The following SNX7 variants were observed in gnomAD, a reference collection of about 807,000 sequenced individuals.
SNX7 encodes the protein sorting nexin-7.
In SNX7, 35 loss-of-function variants were observed where a neutral mutation model predicts 48.4. That is an observed-to-expected ratio of 0.72 (90% confidence interval 0.55 to 0.96). The LOEUF (loss-of-function observed/expected upper bound fraction) is 0.96. SNX7 is among the 40% of genes least tolerant of loss of function. The pLI is 0.00. For synonymous variants in SNX7, 190 were observed against 190.2 expected (o/e 1.00, Z 0.01); for missense variants, 553 against 548.9 (o/e 1.01, Z -0.07).
chr1:98,672,214 G>A (rs1212651213), intron 1 of SNX7, among the ~76,000 whole-genome samples: 1 of 152,044 alleles, frequency 6.6e-6, no homozygotes, highest in African/African-American at 2.4e-5. Context: ...GCTAAACTGT[G>A]ATTCTGCTCT....
chr1:98,735,943 A>C (rs1280088699), intron 7 of SNX7, among the ~76,000 whole-genome samples: 2 of 152,108 alleles, frequency 1.3e-5, no homozygotes, highest in African/African-American at 4.8e-5. Flanking sequence ...AGTGAGGGCA[A>C]AGTTCTGAGA....
In SNX7 at chr1:98,691,517, T is replaced by A. The variant is rs1651123350; in HGVS notation, c.475-18T>A. Reference sequence around the variant, plus strand: ...GGCTAATAATACTTGAATACCTTTTTAATTTTTTTTGCCTTAGCCATTGCC... The same window carrying A: ...GGCTAATAATACTTGAATACCTTTTAAATTTTTTTTGCCTTAGCCATTGCC... On this transcript the variant is annotated intron_variant, in intron 3 of 8. Coordinates refer to ENST00000306121, the MANE Select transcript of SNX7 (RefSeq NM_015976.5). 1 of 1,554,152 alleles carries A rather than the reference T, an allele frequency of 6.4e-7. No individual in the cohort carries two copies. Among genetic ancestry groups the A allele is most frequent in the East Asian group, 2.3e-5 (1 of 43,156 alleles).
chr1:98,671,789 C>A (rs575131778), intron 1 of SNX7, among the ~76,000 whole-genome samples: 9 of 152,142 alleles, frequency 5.9e-5, no homozygotes, highest in African/African-American at 1.9e-4. Context: ...AGAATCATAT[C>A]ATATATGCTT....
At chr1:98,715,125 G>T (rs992368229) in intron 7 of SNX7, among the ~76,000 whole-genome samples, 1 of 152,078 alleles carries the variant, frequency 6.6e-6, no homozygotes, top group African/African-American at 2.4e-5. Context: ...ACCCATTCAA[G>T]TTTCACCAGT....
intron 8 of SNX7, among the ~76,000 whole-genome samples, chr1:98,750,334 A>G (rs540944417): frequency 1.3e-5 from 2 of 152,064 alleles, no homozygotes; most frequent in African/African-American, 4.8e-5. Context: ...TTGGACAGGC[A>G]TGACTTCTGA....
At chr1:98,703,068 T>A (rs965817682) in intron 7 of SNX7, among the ~76,000 whole-genome samples, 1 of 152,116 alleles carries the variant, frequency 6.6e-6, no homozygotes, top group Non-Finnish European at 1.5e-5. Flanking sequence ...TTTCTCTCTC[T>A]TTCCCTCTCC....
intron 7 of SNX7, among the ~76,000 whole-genome samples, chr1:98,706,218 A>G (rs907127051): frequency 6.6e-6 from 1 of 152,142 alleles, no homozygotes; most frequent in African/African-American, 2.4e-5. Context: ...AATTTATAAT[A>G]TATTATCATA....
chr1:98,744,769 CAA>C (rs560734446), intron 8 of SNX7, among the ~76,000 whole-genome samples: 3 of 151,868 alleles, frequency 2.0e-5, no homozygotes, highest in Non-Finnish European at 4.4e-5. Flanking sequence ...TCCATTGCTG[CAA>C]AAAAGAGATG....
At chr1:98,742,011 A>T (rs1654095347) in intron 8 of SNX7, among the ~76,000 whole-genome samples, 1 of 152,150 alleles carries the variant, frequency 6.6e-6, no homozygotes, top group Non-Finnish European at 1.5e-5. Flanking sequence ...ATAGCTCTGG[A>T]CTTGGCAACA....
intron 7 of SNX7, among the ~76,000 whole-genome samples, chr1:98,711,714 T>C (rs1399200473): frequency 5.9e-5 from 9 of 152,182 alleles, no homozygotes; most frequent in African/African-American, 9.7e-5. Flanking sequence ...TTGATGAAGA[T>C]TGGGGTAGCT....
At chr1:98,751,301 AT>A (rs1330899665) in intron 8 of SNX7, among the ~76,000 whole-genome samples, 2 of 152,092 alleles carry the variant, frequency 1.3e-5, no homozygotes, top group Non-Finnish European at 2.9e-5. Flanking sequence ...CTAATGCAAA[AT>A]GTCACCACCT....
At chr1:98,713,106 A>AC (rs1467621402) in intron 7 of SNX7, among the ~76,000 whole-genome samples, 3 of 151,840 alleles carry the variant, frequency 2.0e-5, no homozygotes, top group Non-Finnish European at 4.4e-5. Flanking sequence ...AAAAAAAAAA[A>AC]AAAAAACTTG....
intron 8 of SNX7, among the ~76,000 whole-genome samples, chr1:98,759,071 T>TA (rs1654996015): frequency 6.6e-6 from 1 of 152,078 alleles, no homozygotes; most frequent in Admixed American, 6.6e-5. Flanking sequence ...GGTTGTCCGA[T>TA]ATAGACACTT....
chr1:98,670,806 GA>G (rs983727818), intron 1 of SNX7, among the ~76,000 whole-genome samples: 8 of 150,908 alleles, frequency 5.3e-5, no homozygotes, highest in Admixed American at 1.3e-4. Flanking sequence ...TATAAACAAA[GA>G]AAAAAAAATT....
chr1:98,748,594 G>A (rs372231293), intron 8 of SNX7, among the ~76,000 whole-genome samples: 22 of 150,590 alleles, frequency 1.5e-4, no homozygotes, highest in African/African-American at 5.4e-4. Flanking sequence ...CATACTATGG[G>A]CCAATATAAT....
At chr1:98,753,959 G>A (rs1214711290) in intron 8 of SNX7, among the ~76,000 whole-genome samples, 1 of 151,864 alleles carries the variant, frequency 6.6e-6, no homozygotes, top group Non-Finnish European at 1.5e-5. Flanking sequence ...TCTTGGTATT[G>A]AAAAATCAAT....
intron 4 of SNX7, among the ~76,000 whole-genome samples, chr1:98,693,253 G>A (rs989529504): frequency 6.6e-6 from 1 of 152,114 alleles, no homozygotes; most frequent in Admixed American, 6.5e-5. Flanking sequence ...TTATCTAAGT[G>A]GGGGAGTGTC....
chr1:98,683,611 G>T (rs192378557), intron 1 of SNX7, among the ~76,000 whole-genome samples: 78 of 152,314 alleles, frequency 5.1e-4, no homozygotes, highest in Non-Finnish European at 9.8e-4. Flanking sequence ...AAGCTGTTCT[G>T]TAAAGTGGGC....
chr1:98,687,956 T>C (rs1650895649), intron 2 of SNX7, among the ~76,000 whole-genome samples: 1 of 152,180 alleles, frequency 6.6e-6, no homozygotes, highest in Admixed American at 6.5e-5. Flanking sequence ...TATGATTCAA[T>C]TATCTTCACC....
Sources: gnomAD v4.1 joint callset for allele counts (sites outside exome capture counted in the v4.1 genomes callset) on GRCh38, gnomAD v4.1.1 for gene constraint, MANE v1.5 for transcripts, NCBI Gene and HGNC (gene_info 2026-07-23, HGNC 2026-07-21) for gene names.